LYZL1: variants seen among roughly 807,000 people sequenced by gnomAD.
The protein encoded by LYZL1 is lysozyme like 1.
LYZL1 carries 16 observed loss-of-function variants against 17.9 expected under a neutral mutation model. The observed-to-expected ratio is 0.90, with a 90% CI of 0.61 to 1.36. LYZL1 has a LOEUF of 1.36. LYZL1 is among the 40% of genes most tolerant of loss of function. The pLI is 0.00. For synonymous variants in LYZL1, 58 were observed against 71.8 expected, an observed-to-expected ratio of 0.81 and a Z score of 0.97; for missense variants, 149 against 188.4, an observed-to-expected ratio of 0.79 and a Z score of 1.22.
chr10:29,309,862 A>G (rs568930605), intron 3 of LYZL1, among the ~76,000 whole-genome samples: 6 of 152,322 alleles, frequency 3.9e-5, no homozygotes, highest in African/African-American at 7.2e-5. Context: ...CATTTCCAAA[A>G]ACCCTTCAGG....
At chr10:29,304,669 T>C (rs1835567436) in intron 3 of LYZL1, among the ~76,000 whole-genome samples, 1 of 152,160 alleles carries the variant, frequency 6.6e-6, no homozygotes. Context: ...CAGAAACAAT[T>C]ACTGGCAAGA....
chr10:29,292,545 G>T lies in LYZL1; in HGVS notation c.166G>T (p.Gly56Cys). The change falls in exon 3 of 5, where the codon GGC becomes TGC. Residue 56 changes from glycine to cysteine, a missense_variant. Around this residue, in one of 2 missense-constraint regions of LYZL1, gnomAD observed 130 missense variants for 132.5 expected, o/e 0.98. Transcript: ENST00000649382. ...GATCTGCATGGCATATTATGAGAGC[G>T]GCTACAACACCACAGCCCAGACGGT... ...NWICMAYYES[G>C]YNTTAQTVLD... 1.2e-6 allele frequency: 2 copies of T among 1,614,146 alleles called. No individual in the cohort carries two copies. Among genetic ancestry groups the T allele is most frequent in the Non-Finnish European group, 1.7e-6 (2 of 1,180,030 alleles).
intron 3 of LYZL1, among the ~76,000 whole-genome samples, chr10:29,316,440 G>A (rs1485781611): frequency 6.6e-6 from 1 of 152,156 alleles, no homozygotes; most frequent in Non-Finnish European, 1.5e-5. Flanking sequence ...GAGAAGCAAC[G>A]AATCTTTCTT....
At chr10:29,314,079 C>A (rs924004570), downstream of LYZL1, among the ~76,000 whole-genome samples, 1 of 152,164 alleles carries the variant, frequency 6.6e-6, no homozygotes, top group African/African-American at 2.4e-5. Context: ...TATATCATTT[C>A]CCCTCAGGTG....
At chr10:29,310,018 A>G in intron 3 of LYZL1, 92 bp from the exon 4 acceptor site, 1 of 888,028 alleles carries the variant, frequency 1.1e-6, no homozygotes, top group Non-Finnish European at 1.8e-6. Flanking sequence ...CTCTTGATCC[A>G]AAAAGACTGA....
intron 3 of LYZL1, among the ~76,000 whole-genome samples, chr10:29,302,039 T>C (rs1835526032): frequency 6.6e-6 from 1 of 152,242 alleles, no homozygotes; most frequent in Non-Finnish European, 1.5e-5. Context: ...TTTCTTGAAG[T>C]CCTTGACATA....
At chr10:29,291,436 G>A (rs149274647) in intron 1 of LYZL1, among the ~76,000 whole-genome samples, 550 of 151,548 alleles carry the variant, frequency 3.6e-3, no homozygotes, top group African/African-American at 0.013. Context: ...GAAAATTCAC[G>A]GATAAATGGA....
At chr10:29,307,414 C>A (rs1265955285) in intron 3 of LYZL1, among the ~76,000 whole-genome samples, 1 of 152,218 alleles carries the variant, frequency 6.6e-6, no homozygotes, top group Non-Finnish European at 1.5e-5. Context: ...TCCTTCAGTT[C>A]ATTCATGCTG....
chr10:29,292,389 G>A lies in LYZL1; in HGVS notation c.140-130G>A, dbSNP rs565366677. 2.4e-4 allele frequency: 344 copies of A among 1,408,042 alleles called. 2 individuals carry two copies. The African/African-American group carries it at 2.5e-3, about 10-fold the overall frequency. 87.2% of individuals were successfully genotyped at this position (1,408,042 alleles called of 1,614,324 possible). Reference sequence around the variant, plus strand: ...TCGTGTGCCCCCTGGGCGCATGCCCGCCCTGCCCTGCCCAAGGTGTATTGG... The same window carrying A: ...TCGTGTGCCCCCTGGGCGCATGCCCACCCTGCCCTGCCCAAGGTGTATTGG... On this transcript the variant is annotated intron_variant, in intron 2 of 4. Transcript: ENST00000649382.
At chr10:29,308,438 A>G (rs1835625624) in intron 3 of LYZL1, among the ~76,000 whole-genome samples, 1 of 152,098 alleles carries the variant, frequency 6.6e-6, no homozygotes, top group African/African-American at 2.4e-5. Flanking sequence ...CATTCCTTTC[A>G]TAGGTGTGGA....
intron 2 of LYZL1, 54 bp from the exon 3 acceptor site, chr10:29,292,465 T>G: frequency 6.3e-7 from 1 of 1,597,664 alleles, no homozygotes; most frequent in Non-Finnish European, 8.5e-7. Flanking sequence ...CAGACCAAGC[T>G]TAGAGCAAAA....
intron 1 of LYZL1, among the ~76,000 whole-genome samples, chr10:29,290,155 T>C (rs1835342521): frequency 6.6e-6 from 1 of 152,148 alleles, no homozygotes; most frequent in Non-Finnish European, 1.5e-5. Context: ...AACTAATGAC[T>C]GGAGAAGTTT....
chr10:29,312,080 G>A (rs1835679798), downstream of LYZL1, among the ~76,000 whole-genome samples: 1 of 152,180 alleles, frequency 6.6e-6, no homozygotes, highest in South Asian at 2.1e-4. Flanking sequence ...TAGGAGGACT[G>A]TTTAAGGCCA....
At chr10:29,298,040 T>C (rs1343802423) in intron 3 of LYZL1, among the ~76,000 whole-genome samples, 6 of 152,186 alleles carry the variant, frequency 3.9e-5, no homozygotes, top group Admixed American at 1.3e-4. Flanking sequence ...AACCAAGTTG[T>C]TAAATTCTTT....
chr10:29,293,131 T>TC (rs534766916), intron 3 of LYZL1, among the ~76,000 whole-genome samples: 10,403 of 128,660 alleles, frequency 0.081, 659 homozygotes, highest in African/African-American at 0.11. Flanking sequence ...TCTTTTCTTT[T>TC]TTCTTTTTTT....
intron 3 of LYZL1, among the ~76,000 whole-genome samples, chr10:29,298,928 T>C (rs549349595): frequency 6.6e-6 from 1 of 152,318 alleles, no homozygotes; most frequent in Admixed American, 6.5e-5. Context: ...CATTACATTG[T>C]AATATATAAG....
intron 4 of LYZL1, chr10:29,318,099 C>G: frequency 1.1e-6 from 1 of 916,788 alleles, no homozygotes; most frequent in Non-Finnish European, 1.3e-6. Context: ...AGCAAAGGTG[C>G]AGATAGTGGC....
intron 4 of LYZL1, 65 bp from the exon 5 acceptor site, chr10:29,310,925 T>C: frequency 6.2e-7 from 1 of 1,613,326 alleles, no homozygotes; most frequent in South Asian, 1.1e-5. Context: ...CTGTAGGCTT[T>C]GAAACTAAGA....
chr10:29,299,360 T>C (rs1835487327), intron 3 of LYZL1, among the ~76,000 whole-genome samples: 1 of 152,098 alleles, frequency 6.6e-6, no homozygotes, highest in Non-Finnish European at 1.5e-5. Flanking sequence ...AATCTTGTTT[T>C]ACAGCACAGC....
Sources: gnomAD v4.1 joint callset for allele counts (sites outside exome capture counted in the v4.1 genomes callset) on GRCh38, gnomAD v4.1.1 for gene constraint, gnomAD v4.1.1 regional missense constraint, MANE v1.5 for transcripts, NCBI Gene and HGNC (gene_info 2026-07-23, HGNC 2026-07-21) for gene names.